RANBP17: variants seen among roughly 807,000 people sequenced by gnomAD.
RANBP17 encodes the protein RAN binding protein 17, also known as ran-binding protein 17.
RANBP17 carries 158 observed loss-of-function variants against 141.2 expected under a neutral mutation model. The observed-to-expected ratio is 1.12, with a 90% CI of 0.98 to 1.28. The LOEUF (loss-of-function observed/expected upper bound fraction) is 1.28, where lower values mean the gene tolerates loss of function less well. RANBP17 is among the 50% of genes most tolerant of loss of function. RANBP17 has a pLI of 0.00. For synonymous variants in RANBP17, 430 were observed against 450.0 expected (o/e 0.96, Z 0.56); for missense variants, 1,438 against 1,290.7 (o/e 1.11, Z -1.75).
chr5:171,238,969 C>T (rs976542696), intron 22 of RANBP17, among the ~76,000 whole-genome samples: 2 of 152,134 alleles, frequency 1.3e-5, no homozygotes, highest in Non-Finnish European at 2.9e-5. Context: ...ATTTACAGAT[C>T]GATTTCCCCC....
At chr5:170,879,793 T>C (rs950356013) in intron 2 of RANBP17, among the ~76,000 whole-genome samples, 7 of 152,178 alleles carry the variant, frequency 4.6e-5, no homozygotes, top group Non-Finnish European at 1.0e-4. Context: ...TAAACTATTG[T>C]GTGAGGAGAC....
intron 14 of RANBP17, among the ~76,000 whole-genome samples, chr5:171,022,339 C>G (rs985534164): frequency 6.6e-6 from 1 of 152,214 alleles, no homozygotes; most frequent in Non-Finnish European, 1.5e-5. Flanking sequence ...GTGTGCTTCA[C>G]TGGGGGAAAC....
At chr5:171,178,412 G>T (rs905523249) in intron 16 of RANBP17, among the ~76,000 whole-genome samples, 1 of 151,932 alleles carries the variant, frequency 6.6e-6, no homozygotes, top group Non-Finnish European at 1.5e-5. Flanking sequence ...TCTTTATCCG[G>T]TCTATCATTG....
intron 14 of RANBP17, among the ~76,000 whole-genome samples, chr5:171,089,739 C>T (rs1282534151): frequency 1.3e-5 from 2 of 152,182 alleles, no homozygotes; most frequent in African/African-American, 4.8e-5. Flanking sequence ...CGTTCGTCAC[C>T]CCTTTCTTTG....
intron 14 of RANBP17, among the ~76,000 whole-genome samples, chr5:170,969,429 A>T (rs1490309107): frequency 1.3e-5 from 2 of 151,920 alleles, no homozygotes; most frequent in Non-Finnish European, 2.9e-5. Flanking sequence ...CAATAATTAC[A>T]TACTATAAAA....
chr5:171,089,071 G>GT (rs1157016065), intron 14 of RANBP17, among the ~76,000 whole-genome samples: 1 of 151,808 alleles, frequency 6.6e-6, no homozygotes, highest in African/African-American at 2.4e-5. Context: ...TTTCTGCTCT[G>GT]TTTTTTCCCC....
chr5:171,150,575 AT>A (rs1195603327), intron 14 of RANBP17, among the ~76,000 whole-genome samples: 1 of 152,100 alleles, frequency 6.6e-6, no homozygotes, highest in African/African-American at 2.4e-5. Context: ...TATGCTAGGC[AT>A]TTTGTCCACA....
intron 14 of RANBP17, among the ~76,000 whole-genome samples, chr5:170,978,285 CTATT>C (rs1284515738): frequency 6.6e-6 from 1 of 152,102 alleles, no homozygotes; most frequent in African/African-American, 2.4e-5. Flanking sequence ...TTTTGGAAAA[CTATT>C]TGGCGATGTA....
At chr5:171,239,045 C>A (rs1245960163) in intron 22 of RANBP17, among the ~76,000 whole-genome samples, 2 of 152,166 alleles carry the variant, frequency 1.3e-5, no homozygotes, top group African/African-American at 4.8e-5. Context: ...ACACCTCACA[C>A]ATAGTAGCTG....
chr5:171,153,715 C>T (rs942979033), intron 14 of RANBP17, among the ~76,000 whole-genome samples: 3 of 152,130 alleles, frequency 2.0e-5, no homozygotes, highest in African/African-American at 7.2e-5. Flanking sequence ...AAAAAGAGAA[C>T]AGAAGTGTTC....
intron 14 of RANBP17, chr5:170,970,602 A>G (rs1420815322): frequency 1.3e-5 from 2 of 152,124 alleles, no homozygotes; most frequent in East Asian, 3.9e-4. Flanking sequence ...TGTGGGAGTT[A>G]TTTATATCCT....
chr5:171,130,431 C>CTTTTTTTTTTTTTTT (rs72051535), intron 14 of RANBP17, among the ~76,000 whole-genome samples: 2 of 90,018 alleles, frequency 2.2e-5, no homozygotes, highest in Admixed American at 1.7e-4. Context: ...TTTAAAAAGA[C>CTTTTTTTTTTTTTTT]TTTTTTTTTT....
chr5:171,140,853 T>G (rs1757640090), intron 14 of RANBP17, among the ~76,000 whole-genome samples: 1 of 152,214 alleles, frequency 6.6e-6, no homozygotes, highest in Non-Finnish European at 1.5e-5. Flanking sequence ...GAAGGGTAGA[T>G]CCATGTGTCA....
intron 14 of RANBP17, among the ~76,000 whole-genome samples, chr5:171,079,594 C>G (rs79277447): frequency 0.051 from 7,766 of 152,270 alleles, 266 homozygotes; most frequent in East Asian, 0.12. Context: ...CCACTACCAC[C>G]CTTATCGGTC....
intron 24 of RANBP17, among the ~76,000 whole-genome samples, chr5:171,248,338 G>C (rs942834287): frequency 3.4e-5 from 5 of 147,894 alleles, no homozygotes; most frequent in African/African-American, 1.3e-4. Context: ...CTGCACTCCA[G>C]CCTGGGCAAC....
intron 14 of RANBP17, among the ~76,000 whole-genome samples, chr5:171,055,714 C>T (rs1309653632): frequency 1.3e-5 from 2 of 151,814 alleles, no homozygotes; most frequent in African/African-American, 2.4e-5. Flanking sequence ...GTACTTAGCA[C>T]AGATCAGGAA....
chr5:171,234,350 G>A (rs1453367081), intron 22 of RANBP17, among the ~76,000 whole-genome samples: 1 of 152,100 alleles, frequency 6.6e-6, no homozygotes, highest in East Asian at 1.9e-4. Flanking sequence ...TATCATATAA[G>A]GCCTGTAGCC....
At chr5:171,212,318 C>T (rs1762947373) in intron 20 of RANBP17, among the ~76,000 whole-genome samples, 1 of 152,110 alleles carries the variant, frequency 6.6e-6, no homozygotes. Flanking sequence ...CATGAGTGCT[C>T]ATTGAACATA....
intron 13 of RANBP17, among the ~76,000 whole-genome samples, chr5:170,957,862 A>G (rs889549084): frequency 6.6e-5 from 10 of 152,224 alleles, no homozygotes; most frequent in Non-Finnish European, 1.0e-4. Flanking sequence ...CTCTCTAAAC[A>G]GAAATACACA....
Sources: allele counts gnomAD v4.1 joint callset (sites outside exome capture counted in the v4.1 genomes callset), GRCh38; gene constraint gnomAD v4.1.1; transcripts MANE v1.5; gene names NCBI Gene and HGNC (gene_info 2026-07-23, HGNC 2026-07-21).